SCD5: variants seen among roughly 807,000 people sequenced by gnomAD.
SCD5 encodes the protein acyl-CoA-desaturase 4.
A neutral mutation model predicts 30.4 loss-of-function variants in SCD5; 20 were observed. The ratio of observed to expected loss-of-function variants is 0.66; its 90% CI spans 0.46 to 0.96. The LOEUF (loss-of-function observed/expected upper bound fraction) is 0.96. Ranked by LOEUF, SCD5 falls within the 40% of genes least tolerant of loss-of-function variation. The pLI is 0.00. For synonymous variants in SCD5, 173 were observed against 176.4 expected (o/e 0.98, Z 0.16); for missense variants, 381 against 443.3 (o/e 0.86, Z 1.26).
chr4:82,686,356 A>G (rs556456116), intron 2 of SCD5, among the ~76,000 whole-genome samples: 187 of 152,356 alleles, frequency 1.2e-3, no homozygotes, highest in African/African-American at 4.1e-3. Flanking sequence ...AAAAGTTTGA[A>G]GAATTAAGAA....
chr4:82,727,579 T>C (rs1018362204), intron 1 of SCD5, among the ~76,000 whole-genome samples: 1 of 152,222 alleles, frequency 6.6e-6, no homozygotes. Flanking sequence ...TCTTTCTCCT[T>C]GGACACCCCC....
intron 2 of SCD5, among the ~76,000 whole-genome samples, chr4:82,697,209 A>G (rs530340334): frequency 1.1e-3 from 163 of 152,342 alleles, no homozygotes; most frequent in African/African-American, 3.7e-3. Flanking sequence ...TCACCTTCAA[A>G]ACAGTGTCTT....
intron 1 of SCD5, among the ~76,000 whole-genome samples, chr4:82,722,205 A>T (rs1221874406): frequency 6.6e-6 from 1 of 152,196 alleles, no homozygotes; most frequent in Non-Finnish European, 1.5e-5. Flanking sequence ...AATCTTAAAT[A>T]ATTTAACTTT....
intron 1 of SCD5, among the ~76,000 whole-genome samples, chr4:82,791,203 A>G (rs1722093306): frequency 1.3e-5 from 2 of 151,992 alleles, no homozygotes; most frequent in Non-Finnish European, 2.9e-5. Context: ...GTGCCACTGC[A>G]CTCCAGCCTA....
rs185051722 is a variant in SCD5, at chr4:82,700,337, C to G, written c.363+4946G>C. Among the ~76,000 whole-genome samples the G allele has an allele frequency of 3.0e-3, 454 of 152,116 alleles. 1 individual carries two copies. The highest frequency in any genetic ancestry group is 6.5e-3 in the Admixed American group (99 of 15,278). On this transcript the variant is annotated intron_variant, in intron 2 of 4. Transcript: ENST00000319540. Reference sequence around the variant, plus strand: ...CAGAAAACTCCAAGCAGGATACATACCAAAAAACCCTACACTTAGGGTTTA... The same window carrying G: ...CAGAAAACTCCAAGCAGGATACATAGCAAAAAACCCTACACTTAGGGTTTA...
At chr4:82,657,425 TTC>T (rs1727886763) in intron 3 of SCD5, among the ~76,000 whole-genome samples, 1 of 152,198 alleles carries the variant, frequency 6.6e-6, no homozygotes, top group Non-Finnish European at 1.5e-5. Flanking sequence ...GTGGCATTAT[TTC>T]TGAGGCTTCT....
intron 3 of SCD5, among the ~76,000 whole-genome samples, chr4:82,637,226 T>G (rs958421183): frequency 1.3e-5 from 2 of 152,188 alleles, no homozygotes; most frequent in Non-Finnish European, 2.9e-5. Context: ...TCAAATAATT[T>G]TGAGAAATAG....
chr4:82,786,803 A>C (rs554668197), intron 1 of SCD5, among the ~76,000 whole-genome samples: 169 of 151,788 alleles, frequency 1.1e-3, no homozygotes, highest in African/African-American at 3.9e-3. Flanking sequence ...AAAAAAAAAA[A>C]AAAAAAAACA....
intron 1 of SCD5, among the ~76,000 whole-genome samples, chr4:82,710,822 G>A (rs758325047): frequency 5.3e-5 from 8 of 151,916 alleles, no homozygotes; most frequent in Non-Finnish European, 7.4e-5. Flanking sequence ...GAGGGAGGGA[G>A]GGAGAGAGAG....
chr4:82,708,542 T>C (rs1474350613), intron 1 of SCD5, among the ~76,000 whole-genome samples: 2 of 152,142 alleles, frequency 1.3e-5, no homozygotes, highest in Non-Finnish European at 1.5e-5. Context: ...AAGGCAGAAG[T>C]ACCTTGTTGC....
chr4:82,744,466 G>A (rs1361013996), intron 1 of SCD5, among the ~76,000 whole-genome samples: 1 of 152,176 alleles, frequency 6.6e-6, no homozygotes, highest in Non-Finnish European at 1.5e-5. Flanking sequence ...TTGGCAAGCT[G>A]TATCCCCACG....
At chr4:82,757,247 G>A (rs1721251874) in intron 1 of SCD5, among the ~76,000 whole-genome samples, 2 of 152,066 alleles carry the variant, frequency 1.3e-5, no homozygotes, top group South Asian at 2.1e-4. Context: ...TTGTCTGTGT[G>A]GTTCTTCTGT....
intron 3 of SCD5, among the ~76,000 whole-genome samples, chr4:82,663,448 A>G (rs1728068821): frequency 6.6e-6 from 1 of 152,208 alleles, no homozygotes; most frequent in South Asian, 2.1e-4. Flanking sequence ...CCTCTGCCAC[A>G]TAGACATGCA....
intron 1 of SCD5, among the ~76,000 whole-genome samples, chr4:82,739,014 C>T (rs77708530): frequency 0.15 from 22,066 of 152,096 alleles, 2,842 homozygotes; most frequent in African/African-American, 0.35. Flanking sequence ...TTGTAGCAAA[C>T]TGTAATTTTT....
At chr4:82,659,894 A>G (rs1727946029) in intron 3 of SCD5, 2 of 152,242 alleles carry the variant, frequency 1.3e-5, no homozygotes, top group African/African-American at 2.4e-5. Context: ...AGATAGAGTC[A>G]AAACCCATCG....
At chr4:82,793,433 G>A (rs995644895) in intron 1 of SCD5, among the ~76,000 whole-genome samples, 2 of 152,130 alleles carry the variant, frequency 1.3e-5, no homozygotes, top group Non-Finnish European at 2.9e-5. Flanking sequence ...CATGAAGGAG[G>A]GAGGAAGCAC....
intron 4 of SCD5, among the ~76,000 whole-genome samples, chr4:82,633,915 C>T (rs764013294): frequency 3.9e-5 from 6 of 152,190 alleles, no homozygotes; most frequent in Non-Finnish European, 8.8e-5. Flanking sequence ...TAGCCATCAC[C>T]CCCAACCGCC....
At chr4:82,792,510 G>C (rs974289161) in intron 1 of SCD5, among the ~76,000 whole-genome samples, 3 of 152,202 alleles carry the variant, frequency 2.0e-5, no homozygotes, top group African/African-American at 7.2e-5. Context: ...AAGAGTTCAA[G>C]ACCAGCCCTG....
chr4:82,752,839 A>G (rs1182857930), intron 1 of SCD5, among the ~76,000 whole-genome samples: 5 of 152,126 alleles, frequency 3.3e-5, no homozygotes, highest in African/African-American at 4.8e-5. Context: ...TACAAATTGA[A>G]TCCTACCCAC....
Sources: gnomAD v4.1 joint callset for allele counts (sites outside exome capture counted in the v4.1 genomes callset) on GRCh38, gnomAD v4.1.1 for gene constraint, MANE v1.5 for transcripts, NCBI Gene and HGNC (gene_info 2026-07-23, HGNC 2026-07-21) for gene names.